Variants in TCF4 observed in about 807,000 individuals in gnomAD.
TCF4 encodes the protein transcription factor 4, also known as SL3-3 enhancer factor 2.
In TCF4, 3 loss-of-function variants were observed where a neutral mutation model predicts 82.1. The observed-to-expected ratio is 0.04, with a 90% CI of 0.02 to 0.09. The LOEUF (loss-of-function observed/expected upper bound fraction) is 0.09, where lower values mean the gene tolerates loss of function less well. Among genes scored for constraint, TCF4 ranks in the 10% least tolerant of loss-of-function variants. TCF4 has a pLI of 1.00. For synonymous variants in TCF4, 276 were observed against 309.6 expected, an observed-to-expected ratio of 0.89 and a Z score of 1.14; for missense variants, 518 against 852.7, an observed-to-expected ratio of 0.61 and a Z score of 4.89.
intron 6 of TCF4, chr18:55,351,969 A>G (rs1023556448): frequency 2.6e-6 from 2 of 767,794 alleles, no homozygotes; most frequent in Non-Finnish European, 3.2e-6. Flanking sequence ...CGTTACTTGT[A>G]ATCAACTTTT....
intron 15 of TCF4, among the ~76,000 whole-genome samples, chr18:55,249,529 G>T (rs2054357140): frequency 6.6e-6 from 1 of 152,162 alleles, no homozygotes; most frequent in African/African-American, 2.4e-5. Context: ...AAACAACCAT[G>T]TGATCTTTCA....
chr18:55,585,317 T>C lies in TCF4; in HGVS notation c.108A>G (p.Gly36=). The C allele has an allele frequency of 1.2e-6, 2 of 1,614,050 alleles. No individual in the cohort carries two copies. Among genetic ancestry groups the C allele is most frequent in the Non-Finnish European group, 1.7e-6 (2 of 1,179,960 alleles). The part of the protein sequence containing the change: ...FSPPVSSGKN[G]PTSLASGHFT... ...AATGTCCACTTGCCAAAGAAGTTGG[T>C]CCATTTTTCCCACTGCTCACAGGAG... is the stretch of plus-strand genomic sequence containing the variant. The change falls in exon 3 of 20, where the codon GGA becomes GGG. Residue 36 remains glycine, a synonymous_variant. Transcript: ENST00000354452.
chr18:55,587,072 C>T lies in TCF4; in HGVS notation c.45G>A (p.Glu15=). 2 of 1,613,714 alleles carry T rather than the reference C, an allele frequency of 1.2e-6. No individual in the cohort carries two copies. Among genetic ancestry groups the T allele is most frequent in the Non-Finnish European group, 1.7e-6 (2 of 1,179,940 alleles). The part of the protein sequence containing the change: ...QRMAALGTDK[E]LSDLLDFSAM... ...CACTGAAATCCAGTAAATCACTCAG[C>T]TCTTTGTCCGTCCCTAAGGCAGCCA... is the stretch of plus-strand genomic sequence containing the variant. Residue 15 remains glutamate, a synonymous_variant, in exon 2 of 20, where the codon GAG becomes GAA. Transcript: ENST00000354452.
intron 5 of TCF4, among the ~76,000 whole-genome samples, chr18:55,411,109 A>G (rs1013515332): frequency 2.0e-5 from 3 of 152,188 alleles, no homozygotes; most frequent in Non-Finnish European, 4.4e-5. Context: ...AATCATGGGG[A>G]TAACTTAGCT....
chr18:55,571,099 C>T (rs527475993), intron 3 of TCF4, among the ~76,000 whole-genome samples: 3 of 152,030 alleles, frequency 2.0e-5, no homozygotes, highest in African/African-American at 4.8e-5. Flanking sequence ...ATATACCCCA[C>T]AGAGAAAGTC....
intron 5 of TCF4, among the ~76,000 whole-genome samples, chr18:55,405,549 C>G (rs2094044215): frequency 6.6e-6 from 1 of 152,182 alleles, no homozygotes. Flanking sequence ...AATTTCACCA[C>G]TCAGCATTAT....
At chr18:55,405,722 G>A (rs2094052715) in intron 5 of TCF4, among the ~76,000 whole-genome samples, 1 of 152,092 alleles carries the variant, frequency 6.6e-6, no homozygotes, top group Admixed American at 6.6e-5. Context: ...AACAAAGAGA[G>A]GAAGAGTGGA....
chr18:55,346,668 C>CA (rs1157635290), intron 8 of TCF4, among the ~76,000 whole-genome samples: 2 of 152,004 alleles, frequency 1.3e-5, no homozygotes, highest in Non-Finnish European at 2.9e-5. Flanking sequence ...CAAATTCCAC[C>CA]AAAGTCTGAA....
chr18:55,578,330 T>C lies in TCF4; in HGVS notation c.145+6950A>G, dbSNP rs568427600. Among the ~76,000 whole-genome samples the C allele has an allele frequency of 3.1e-3, 466 of 152,224 alleles. 1 individual carries two copies. The highest frequency in any genetic ancestry group is 6.8e-3 in the Middle Eastern group (2 of 294). ...GTCCAAGCCTTAATTAAAAGCAGCA[T>C]GAGGTCTTTGACCAGAGGGTCAGGA... On this transcript the variant is annotated intron_variant, in intron 3 of 19. Coordinates refer to ENST00000354452, the MANE Select transcript of TCF4 (RefSeq NM_001083962.2).
chr18:55,387,874 G>C (rs773967598), intron 6 of TCF4, among the ~76,000 whole-genome samples: 1 of 152,114 alleles, frequency 6.6e-6, no homozygotes, highest in African/African-American at 2.4e-5. Flanking sequence ...GGAAGAAAGC[G>C]GGTACAAAGA....
At chr18:55,257,089 CTAGATATT>C (rs2057020443) in intron 14 of TCF4, among the ~76,000 whole-genome samples, 1 of 152,102 alleles carries the variant, frequency 6.6e-6, no homozygotes, top group Non-Finnish European at 1.5e-5. Flanking sequence ...TTATCTGCTA[CTAGATATT>C]TAGAGCCCTG....
chr18:55,511,473 C>T (rs972304678), intron 3 of TCF4, among the ~76,000 whole-genome samples: 5 of 151,874 alleles, frequency 3.3e-5, no homozygotes, highest in African/African-American at 1.2e-4. Context: ...ACCAAATCAG[C>T]ATTAAAACAC....
At chr18:55,369,545 T>C (rs1013534787) in intron 6 of TCF4, among the ~76,000 whole-genome samples, 1 of 152,184 alleles carries the variant, frequency 6.6e-6, no homozygotes, top group Non-Finnish European at 1.5e-5. Flanking sequence ...AGGTAGCACA[T>C]GACAGTCCTT....
At chr18:55,362,614 CATT>C (rs2085762750) in intron 6 of TCF4, among the ~76,000 whole-genome samples, 1 of 152,146 alleles carries the variant, frequency 6.6e-6, no homozygotes, top group Non-Finnish European at 1.5e-5. Flanking sequence ...ACACACAAAA[CATT>C]ATAACCAGCC....
At chr18:55,400,955 T>C (rs957552989) in intron 6 of TCF4, 14 of 1,288,492 alleles carry the variant, frequency 1.1e-5, no homozygotes, top group South Asian at 2.5e-5. Context: ...CTCAATCATG[T>C]AGTAAACAGA....
chr18:55,518,470 G>GTT (rs764424670), intron 3 of TCF4, among the ~76,000 whole-genome samples: 2 of 152,078 alleles, frequency 1.3e-5, no homozygotes, highest in Admixed American at 6.6e-5. Flanking sequence ...AAGTCTAACA[G>GTT]TTTAACACTG....
At chr18:55,330,359 T>C (rs763574572) in intron 8 of TCF4, among the ~76,000 whole-genome samples, 16 of 151,944 alleles carry the variant, frequency 1.1e-4, no homozygotes, top group Non-Finnish European at 1.8e-4. Flanking sequence ...TTTGTATTTT[T>C]AGTAGAGATG....
intron 16 of TCF4, among the ~76,000 whole-genome samples, chr18:55,233,816 C>CAAAAA (rs34564671): frequency 1.6e-5 from 1 of 62,974 alleles, no homozygotes; most frequent in African/African-American, 4.8e-5. Flanking sequence ...GAGGCTCTGT[C>CAAAAA]AAAAAAAAAA....
At chr18:55,350,112 T>G (rs1041375047) in intron 8 of TCF4, among the ~76,000 whole-genome samples, 1 of 152,160 alleles carries the variant, frequency 6.6e-6, no homozygotes, top group African/African-American at 2.4e-5. Flanking sequence ...TCAGGCACCT[T>G]TTCAAGGCTC....
Sources: gnomAD v4.1 joint callset for allele counts (sites outside exome capture counted in the v4.1 genomes callset) on GRCh38, gnomAD v4.1.1 for gene constraint, MANE v1.5 for transcripts, NCBI Gene and HGNC (gene_info 2026-07-23, HGNC 2026-07-21) for gene names.